Variants in RSPO3 observed in about 807,000 individuals in gnomAD.
RSPO3 encodes the protein R-spondin 3.
In RSPO3, 17 loss-of-function variants were observed where a neutral mutation model predicts 36.5. The observed-to-expected ratio is 0.47, with a 90% CI of 0.32 to 0.70. The LOEUF (loss-of-function observed/expected upper bound fraction) is 0.70, where lower values mean the gene tolerates loss of function less well. Ranked by LOEUF, RSPO3 falls within the 30% of genes least tolerant of loss-of-function variation. The pLI, the probability that RSPO3 is intolerant of heterozygous loss-of-function variation, is 0.04. For missense variants in RSPO3, 294 were observed against 322.5 expected, an observed-to-expected ratio of 0.91 and a Z score of 0.68; for synonymous variants, 108 against 107.0, an observed-to-expected ratio of 1.01 and a Z score of -0.06.
At chr6:127,126,498 G>A (rs1773941475) in intron 1 of RSPO3, among the ~76,000 whole-genome samples, 1 of 152,004 alleles carries the variant, frequency 6.6e-6, no homozygotes, top group African/African-American at 2.4e-5. Context: ...TAAGAGGATG[G>A]TCACTGGTAT....
intron 1 of RSPO3, among the ~76,000 whole-genome samples, chr6:127,127,137 C>T (rs1773954348): frequency 6.6e-6 from 1 of 152,028 alleles, no homozygotes; most frequent in African/African-American, 2.4e-5. Context: ...ATTTTATAAC[C>T]ACATAATACA....
At chr6:127,150,906 C>T (rs1437083142) in intron 3 of RSPO3, among the ~76,000 whole-genome samples, 2 of 151,232 alleles carry the variant, frequency 1.3e-5, no homozygotes, top group Non-Finnish European at 2.9e-5. Context: ...AAACATTCAG[C>T]CAAGACACAC....
intron 1 of RSPO3, among the ~76,000 whole-genome samples, chr6:127,129,391 G>A (rs1774005941): frequency 6.6e-6 from 1 of 152,088 alleles, no homozygotes; most frequent in Admixed American, 6.6e-5. Flanking sequence ...TGGGCTTCCT[G>A]ACAGACTTAA....
chr6:127,171,591 C>T (rs923798338), intron 4 of RSPO3, among the ~76,000 whole-genome samples: 1 of 151,792 alleles, frequency 6.6e-6, no homozygotes, highest in South Asian at 2.1e-4. Context: ...GTATACATAA[C>T]CTTTAGCTTG....
intron 4 of RSPO3, among the ~76,000 whole-genome samples, chr6:127,178,899 G>C (rs1272135425): frequency 1.3e-5 from 2 of 151,778 alleles, no homozygotes; most frequent in African/African-American, 4.8e-5. Context: ...GTTCTGATAG[G>C]AAGAACTGAA....
intron 1 of RSPO3, among the ~76,000 whole-genome samples, chr6:127,133,539 T>TA: frequency 6.6e-6 from 1 of 152,266 alleles, no homozygotes; most frequent in South Asian, 2.1e-4. Context: ...AAACTGATCT[T>TA]AAAGTCCACT....
intron 1 of RSPO3, among the ~76,000 whole-genome samples, chr6:127,129,411 T>C (rs1774006659): frequency 6.6e-6 from 1 of 152,018 alleles, no homozygotes; most frequent in African/African-American, 2.4e-5. Context: ...ATCCTGCTAG[T>C]TAAGGGGGCT....
At chr6:127,140,412 G>A (rs1211703181) in intron 1 of RSPO3, among the ~76,000 whole-genome samples, 2 of 152,106 alleles carry the variant, frequency 1.3e-5, no homozygotes, top group African/African-American at 4.8e-5. Context: ...AGAGAAAGAT[G>A]GGGAGGAACA....
intron 4 of RSPO3, among the ~76,000 whole-genome samples, chr6:127,157,944 G>A (rs995974575): frequency 3.3e-5 from 5 of 151,360 alleles, no homozygotes; most frequent in African/African-American, 7.3e-5. Context: ...ACATCCCACC[G>A]TATCCTCTCT....
At chr6:127,164,699 T>C (rs923566935) in intron 4 of RSPO3, among the ~76,000 whole-genome samples, 12 of 152,066 alleles carry the variant, frequency 7.9e-5, no homozygotes, top group African/African-American at 2.9e-4. Context: ...GTGTGGGCAA[T>C]GACCTTTTGC....
chr6:127,147,102 A>C (rs2114578469), intron 1 of RSPO3, among the ~76,000 whole-genome samples: 1 of 152,196 alleles, frequency 6.6e-6, no homozygotes, highest in Non-Finnish European at 1.5e-5. Flanking sequence ...ACATTTCCTT[A>C]GTTTATTTAC....
At chr6:127,125,590 G>GAAA (rs1773924273) in intron 1 of RSPO3, among the ~76,000 whole-genome samples, 1 of 152,082 alleles carries the variant, frequency 6.6e-6, no homozygotes, top group South Asian at 2.1e-4. Flanking sequence ...ATAATAACTT[G>GAAA]TCTTATTCAA....
chr6:127,160,492 A>G (rs1182246724), intron 4 of RSPO3, among the ~76,000 whole-genome samples: 3 of 152,198 alleles, frequency 2.0e-5, no homozygotes, highest in Non-Finnish European at 2.9e-5. Context: ...CAGCAGAGGT[A>G]CTGCTCCTTA....
chr6:127,163,222 C>G (rs1024398303), intron 4 of RSPO3, among the ~76,000 whole-genome samples: 2 of 152,110 alleles, frequency 1.3e-5, no homozygotes, highest in African/African-American at 4.8e-5. Flanking sequence ...AAAAGACACT[C>G]CCTCCTTTCA....
At chr6:127,164,068 A>G (rs952145367) in intron 4 of RSPO3, among the ~76,000 whole-genome samples, 2 of 151,994 alleles carry the variant, frequency 1.3e-5, no homozygotes, top group African/African-American at 2.4e-5. Context: ...CCAAGTCTAT[A>G]TATCCACATT....
intron 1 of RSPO3, chr6:127,119,779 G>A (rs1773802155): frequency 6.5e-6 from 1 of 153,048 alleles, no homozygotes; most frequent in South Asian, 2.1e-4. Context: ...GACTCCGGTA[G>A]CCGAACGCCC....
intron 4 of RSPO3, among the ~76,000 whole-genome samples, chr6:127,172,607 G>A (rs571388745): frequency 6.6e-6 from 1 of 151,564 alleles, no homozygotes; most frequent in Admixed American, 6.6e-5. Context: ...TATTCGCTTG[G>A]GCTATATGTC....
intron 4 of RSPO3, among the ~76,000 whole-genome samples, chr6:127,159,052 G>T (rs1279917946): frequency 6.6e-6 from 1 of 152,120 alleles, no homozygotes; most frequent in East Asian, 1.9e-4. Flanking sequence ...GTGGTTGCCA[G>T]GTTTTATTTA....
intron 4 of RSPO3, among the ~76,000 whole-genome samples, chr6:127,178,979 G>C (rs1484025106): frequency 1.3e-5 from 2 of 151,796 alleles, no homozygotes. Flanking sequence ...CAGTGATGTG[G>C]GTGCATAGAG....
Sources: gnomAD v4.1 joint callset for allele counts (sites outside exome capture counted in the v4.1 genomes callset) on GRCh38, gnomAD v4.1.1 for gene constraint, MANE v1.5 for transcripts, NCBI Gene and HGNC (gene_info 2026-07-23, HGNC 2026-07-21) for gene names.